TENM1: variants seen among roughly 807,000 people sequenced by gnomAD.
TENM1 encodes the protein teneurin transmembrane protein 1.
TENM1 carries 35 observed loss-of-function variants against 174.8 expected under a neutral mutation model. The ratio of observed to expected loss-of-function variants is 0.20; its 90% CI spans 0.15 to 0.27. TENM1 has a LOEUF of 0.27. Among genes scored for constraint, TENM1 ranks in the 10% least tolerant of loss-of-function variants. The pLI, the probability that TENM1 is intolerant of heterozygous loss-of-function variation, is 1.00. For synonymous variants in TENM1, 781 were observed against 798.7 expected, an observed-to-expected ratio of 0.98 and a Z score of 0.37; for missense variants, 1,633 against 2,130.1, an observed-to-expected ratio of 0.77 and a Z score of 4.59.
chrX:125,015,939 T>C, the TENM1 span, among the ~76,000 whole-genome samples: 1 of 111,653 alleles, frequency 9.0e-6, no homozygotes, highest in Non-Finnish European at 1.9e-5. Flanking sequence ...ACACTAGACC[T>C]AGAGCTAAGG....
Position 124,685,137 on chromosome X carries a change from AAACAACAAC to A in TENM1, c.1016-13311_1016-13303del, listed in dbSNP as rs3060647. 5.1e-3 allele frequency among the ~76,000 whole-genome samples: 546 copies of A among 106,100 alleles called. 1 individual carries two copies. The highest frequency in any genetic ancestry group is 7.8e-3 in the Non-Finnish European group (407 of 51,855). 92.1% of individuals were successfully genotyped at this position (106,100 alleles called of 115,157 possible). ...CATCACCAAAGGGAAAGCAAAAAAC[AAACAACAAC>A]AACAACAACAACAACAACAACAACA... On this transcript the variant is annotated intron_variant, in intron 5 of 31. Coordinates refer to ENST00000422452, the Ensembl canonical transcript of TENM1.
At chrX:124,451,290 A>AC (rs1238801030) in intron 23 of TENM1, among the ~76,000 whole-genome samples, 1 of 108,199 alleles carries the variant, frequency 9.2e-6, no homozygotes, top group Non-Finnish European at 1.9e-5. Context: ...TAAAAAAAAA[A>AC]CCAAAAAAAC....
the TENM1 span, among the ~76,000 whole-genome samples, chrX:125,084,591 G>A: frequency 9.1e-6 from 1 of 110,296 alleles, no homozygotes; most frequent in Non-Finnish European, 1.9e-5. Flanking sequence ...TGAATTAAGT[G>A]GTTCATATAC....
chrX:125,075,044 C>T, the TENM1 span, among the ~76,000 whole-genome samples: 1 of 111,772 alleles, frequency 8.9e-6, no homozygotes, highest in Non-Finnish European at 1.9e-5. Context: ...GTGCAACTAT[C>T]AGCACAAACC....
intron 23 of TENM1, among the ~76,000 whole-genome samples, chrX:124,440,303 T>A (rs2060889169): frequency 8.9e-6 from 1 of 112,376 alleles, no homozygotes; most frequent in Non-Finnish European, 1.9e-5. Flanking sequence ...CCTCCCATTT[T>A]AGCAAGTGTA....
At chrX:124,670,659 A>G (rs957262435) in intron 6 of TENM1, among the ~76,000 whole-genome samples, 3 of 111,692 alleles carry the variant, frequency 2.7e-5, no homozygotes, top group Non-Finnish European at 3.8e-5. Flanking sequence ...TTACCTTTTC[A>G]AAAGCACACA....
At position 124,472,387 on chromosome X, in the gene TENM1, T is replaced by C. The variant is rs34644895; in HGVS notation, c.3949+9345A>G. Among the ~76,000 whole-genome samples, 400 of 106,088 alleles carry C rather than the reference T, an allele frequency of 3.8e-3. 2 individuals carry two copies. The highest frequency in any genetic ancestry group is 0.013 in the African/African-American group (383 of 29,154). 92.1% of individuals were successfully genotyped at this position (106,088 alleles called of 115,157 possible). A position where few individuals can be genotyped will look rare whatever the true frequency, so the allele number is the denominator to read the frequency against. On this transcript the variant is annotated intron_variant, in intron 22 of 31. Transcript: ENST00000422452. The stretch of plus-strand genomic sequence containing the variant: ...CTGACTATGAGGTACTCCTGGGTTT[T>C]TTTTTTTTTTTCCCAACAAAAAAAC...
chrX:124,991,124 C>A, the TENM1 span, among the ~76,000 whole-genome samples: 2 of 111,223 alleles, frequency 1.8e-5, no homozygotes, highest in African/African-American at 6.5e-5. Context: ...AATCTGATAT[C>A]CTGCCATGTT....
intron 22 of TENM1, among the ~76,000 whole-genome samples, chrX:124,466,548 T>C (rs2061243240): frequency 8.9e-6 from 1 of 111,932 alleles, no homozygotes; most frequent in African/African-American, 3.2e-5. Flanking sequence ...ATACATTATT[T>C]GAATAATGTC....
At chrX:124,442,995 T>C (rs1160946749) in intron 23 of TENM1, among the ~76,000 whole-genome samples, 1 of 108,238 alleles carries the variant, frequency 9.2e-6, no homozygotes, top group Non-Finnish European at 1.9e-5. Flanking sequence ...GTTTTTTTTT[T>C]TCTTTTTTTT....
At chrX:124,717,604 A>G (rs1351217001) in intron 4 of TENM1, among the ~76,000 whole-genome samples, 1 of 111,963 alleles carries the variant, frequency 8.9e-6, no homozygotes, top group Non-Finnish European at 1.9e-5. Context: ...AGAGAGTTTC[A>G]TCTTTCATTA....
At chrX:124,871,507 G>A (rs745874087) in intron 3 of TENM1, among the ~76,000 whole-genome samples, 4 of 112,052 alleles carry the variant, frequency 3.6e-5, no homozygotes, top group Non-Finnish European at 7.5e-5. Context: ...CAAGTTTTGG[G>A]TAGGAGGGAA....
chrX:124,424,993 C>T (rs1287765058), intron 23 of TENM1, among the ~76,000 whole-genome samples: 1 of 111,204 alleles, frequency 9.0e-6, no homozygotes, highest in Admixed American at 9.6e-5. Context: ...TACCCAGTCT[C>T]AGGTATTTCT....
intron 22 of TENM1, among the ~76,000 whole-genome samples, chrX:124,463,570 T>G (rs904042612): frequency 6.3e-5 from 7 of 111,329 alleles, no homozygotes; most frequent in Non-Finnish European, 1.1e-4. Flanking sequence ...CTATGTTAGA[T>G]TCACCATAGA....
chrX:124,560,121 C>T lies in TENM1; in HGVS notation c.2434+1550G>A, dbSNP rs963717742. 3.7e-5 allele frequency among the ~76,000 whole-genome samples: 4 copies of T among 109,270 alleles called. No homozygotes were observed. The East Asian group carries it at 8.8e-4, about 24-fold the overall frequency. The allele number at this position is 109,270 out of a possible 115,157, so 94.9% of individuals were successfully genotyped here. ...GATCATTAGATTGAAAACTTCACTCCGGTTTCCAAAACAAGGTTTTCAAGT... is the reference window on the plus strand; with the variant it reads ...GATCATTAGATTGAAAACTTCACTCTGGTTTCCAAAACAAGGTTTTCAAGT... On this transcript the variant is annotated intron_variant, in intron 14 of 31. Transcript: ENST00000422452.
At chrX:124,591,054 T>A (rs1357161788) in intron 11 of TENM1, among the ~76,000 whole-genome samples, 6 of 112,011 alleles carry the variant, frequency 5.4e-5, no homozygotes, top group African/African-American at 1.9e-4. Context: ...TAGTGACCCC[T>A]GCTCTTTTTT....
chrX:125,035,193 A>G, the TENM1 span, among the ~76,000 whole-genome samples: 1 of 111,376 alleles, frequency 9.0e-6, no homozygotes, highest in Non-Finnish European at 1.9e-5. Flanking sequence ...TATGGATAGC[A>G]TAAAGGCCAG....
intron 28 of TENM1, among the ~76,000 whole-genome samples, chrX:124,387,225 C>T (rs1364484601): frequency 1.8e-5 from 2 of 109,997 alleles, no homozygotes; most frequent in Non-Finnish European, 3.8e-5. Flanking sequence ...CCCCTCTCCC[C>T]CAAACTGATC....
chrX:124,765,241 C>G (rs1017488212), intron 3 of TENM1, among the ~76,000 whole-genome samples: 1 of 112,015 alleles, frequency 8.9e-6, no homozygotes, highest in Non-Finnish European at 1.9e-5. Flanking sequence ...GAGCTTGGTT[C>G]ATTTTCAGAT....
Sources: allele counts gnomAD v4.1 joint callset (sites outside exome capture counted in the v4.1 genomes callset), GRCh38; gene constraint gnomAD v4.1.1; transcripts MANE v1.5; gene names NCBI Gene and HGNC (gene_info 2026-07-23, HGNC 2026-07-21).